SMAD2: variants seen among roughly 807,000 people sequenced by gnomAD.
SMAD2 encodes SMAD family member 2.
SMAD2 carries 8 observed loss-of-function variants against 64.4 expected under a neutral mutation model. The observed-to-expected ratio is 0.12, with a 90% CI of 0.07 to 0.22. SMAD2 has a LOEUF of 0.22. Ranked by LOEUF, SMAD2 falls within the 10% of genes least tolerant of loss-of-function variation. The pLI, the probability that SMAD2 is intolerant of heterozygous loss-of-function variation, is 1.00. For missense variants in SMAD2, 289 were observed against 561.2 expected (o/e 0.51, Z 4.90); for synonymous variants, 203 against 195.8 (o/e 1.04, Z -0.31).
chr18:47,856,141 GTT>G (rs35798864), intron 6 of SMAD2, among the ~76,000 whole-genome samples: 53 of 148,512 alleles, frequency 3.6e-4, no homozygotes, highest in African/African-American at 7.6e-4. Flanking sequence ...CATATGTGGG[GTT>G]TTTTTTTTTT....
chr18:47,907,576 C>T (rs543163967), intron 1 of SMAD2, among the ~76,000 whole-genome samples: 1 of 152,254 alleles, frequency 6.6e-6, no homozygotes, highest in South Asian at 2.1e-4. Flanking sequence ...TGTTTTATTC[C>T]CTCGCTCCTG....
At chr18:47,873,114 A>T (rs2032044359) in intron 2 of SMAD2, among the ~76,000 whole-genome samples, 2 of 152,064 alleles carry the variant, frequency 1.3e-5, no homozygotes, top group Non-Finnish European at 2.9e-5. Flanking sequence ...TGCTGGGATT[A>T]CAGAAGTAAG....
In SMAD2 at chr18:47,857,756, G is replaced by A. The variant is rs551770515; in HGVS notation, c.731-6429C>T. On this transcript the variant is annotated intron_variant, in intron 6 of 10. Transcript: ENST00000262160. ...AGCCAACTAAAATTTCAATGGCCAT[G>A]CACAGACGACAGGAATCGAAGAAGC... is the stretch of plus-strand genomic sequence containing the variant. 3.0e-4 allele frequency among the ~76,000 whole-genome samples: 45 copies of A among 152,312 alleles called. No individual in the cohort carries two copies. In the East Asian group the frequency reaches 8.5e-3, roughly 29 times the overall value.
intron 5 of SMAD2, 36 bp downstream of exon 5, chr18:47,868,287 T>C (rs2031709525): frequency 6.4e-7 from 1 of 1,570,464 alleles, no homozygotes; most frequent in African/African-American, 1.4e-5. Context: ...AATTTGTATC[T>C]ATCCAAGTTT....
chr18:47,857,849 T>C (rs547997955), intron 6 of SMAD2, among the ~76,000 whole-genome samples: 32 of 152,314 alleles, frequency 2.1e-4, no homozygotes, highest in African/African-American at 3.8e-4. Flanking sequence ...CATGTTAGCA[T>C]AGGAAGTCCT....
At chr18:47,903,348 G>C (rs1376564967) in intron 1 of SMAD2, among the ~76,000 whole-genome samples, 1 of 151,196 alleles carries the variant, frequency 6.6e-6, no homozygotes, top group Non-Finnish European at 1.5e-5. Flanking sequence ...CAAAAGCTTG[G>C]AGGCAGGACT....
At position 47,864,118 on chromosome 18, in the gene SMAD2, A is replaced by G. The variant is rs77096575; in HGVS notation, c.730+941T>C. 4.0e-3 allele frequency among the ~76,000 whole-genome samples: 605 copies of G among 152,312 alleles called. 4 individuals are homozygous for G. The highest frequency in any genetic ancestry group is 0.013 in the African/African-American group (544 of 41,574). ...GAGTGTCATCTAATTTTAGTAAAACATATGTGGAAAGTCAAATATTATTTG... is the reference window on the plus strand; with the variant it reads ...GAGTGTCATCTAATTTTAGTAAAACGTATGTGGAAAGTCAAATATTATTTG... On this transcript the variant is annotated intron_variant, in intron 6 of 10. Transcript: ENST00000262160.
rs1364195695 is a variant in SMAD2 at position 47,837,204 on chromosome 18, T to A, written c.*4623A>T. 5.0e-6 allele frequency: 1 copy of A among 199,552 alleles called. No homozygotes were observed. The highest frequency in any genetic ancestry group is 2.3e-5 in the African/African-American group (1 of 43,452). The allele number at this position is 199,552 out of a possible 1,614,324, so 12.4% of individuals were successfully genotyped here. ...GATGAAGAAATTAGGACTCTAGGTATGAAAAGCATGTTCCTTTTTTGTTAA... is the reference window on the plus strand; with the variant it reads ...GATGAAGAAATTAGGACTCTAGGTAAGAAAAGCATGTTCCTTTTTTGTTAA... On this transcript the variant is annotated 3_prime_UTR_variant, in exon 11 of 11. Transcript: ENST00000262160.
In SMAD2 at chr18:47,828,797, A is replaced by G; in HGVS notation, c.*13030T>C. 1 of 180,372 alleles carries G rather than the reference A, an allele frequency of 5.5e-6. No individual in the cohort carries two copies. The highest frequency in any genetic ancestry group is 1.6e-4 in the East Asian group (1 of 6,066). The allele number at this position is 180,372 out of a possible 1,614,324, so 11.2% of individuals were successfully genotyped here. On this transcript the variant is annotated 3_prime_UTR_variant, in exon 11 of 11. Transcript: ENST00000262160. ...GTACCCAGGGACACAAACACTGCAG[A>G]AGGCCGCAGGGTCCTCTGCCTAGGA...
At position 47,930,577 on chromosome 18, in the gene SMAD2, G is replaced by C. The variant is rs1003138429; in HGVS notation, c.-270C>G. On this transcript the variant is annotated 5_prime_UTR_variant, in exon 1 of 11. Coordinates refer to ENST00000262160, the MANE Select transcript of SMAD2 (RefSeq NM_005901.6). ...GCGCGCGGGAGGGTAGGGGAAGAGAGGGGAGGGGAGGGGAGGAGAGGGAAG... is the reference window on the plus strand; with the variant it reads ...GCGCGCGGGAGGGTAGGGGAAGAGACGGGAGGGGAGGGGAGGAGAGGGAAG... 1 of 150,098 alleles carries C rather than the reference G, an allele frequency of 6.7e-6. No individual in the cohort carries two copies. Among genetic ancestry groups the C allele is most frequent in the East Asian group, 2.0e-4 (1 of 5,042 alleles). The allele number at this position is 150,098 out of a possible 1,614,324, so 9.3% of individuals were successfully genotyped here.
At chr18:47,882,437 T>C (rs1396612686) in intron 2 of SMAD2, 1 of 152,602 alleles carries the variant, frequency 6.6e-6, no homozygotes, top group Non-Finnish European at 1.5e-5. Context: ...GCTTAAGCAA[T>C]CCTCCTGCCT....
rs964956844 is a variant in SMAD2 at position 47,811,524 on chromosome 18, A to G, written c.*30303T>C. Reference sequence around the variant, plus strand: ...ATAAGGTAATTCTGAAATCCACAGCAATGCTTCAGTGCTCCTAAGGGGCCG... The same window carrying G: ...ATAAGGTAATTCTGAAATCCACAGCGATGCTTCAGTGCTCCTAAGGGGCCG... On this transcript the variant is annotated 3_prime_UTR_variant, in exon 11 of 11. Coordinates refer to ENST00000262160, the MANE Select transcript of SMAD2 (RefSeq NM_005901.6). 3 of 151,930 alleles carry G rather than the reference A, an allele frequency of 2.0e-5. No homozygotes were observed. The highest frequency in any genetic ancestry group is 7.3e-5 in the African/African-American group (3 of 41,338). The allele number at this position is 151,930 out of a possible 1,614,324, so 9.4% of individuals were successfully genotyped here.
intron 1 of SMAD2, among the ~76,000 whole-genome samples, chr18:47,925,059 C>G (rs1170996925): frequency 6.6e-6 from 1 of 152,172 alleles, no homozygotes; most frequent in African/African-American, 2.4e-5. Flanking sequence ...CTACATCCCC[C>G]TTCCCCACAA....
chr18:47,857,944 C>G (rs1229377595), intron 6 of SMAD2, among the ~76,000 whole-genome samples: 1 of 152,206 alleles, frequency 6.6e-6, no homozygotes, highest in Non-Finnish European at 1.5e-5. Flanking sequence ...CTGACCCTCC[C>G]TGAAACCTGA....
At chr18:47,869,638 TTATAAA>T (rs1316865065) in intron 3 of SMAD2, among the ~76,000 whole-genome samples, 1 of 152,158 alleles carries the variant, frequency 6.6e-6, no homozygotes, top group African/African-American at 2.4e-5. Flanking sequence ...CAGATGTTTC[TTATAAA>T]TATGTCACAT....
chr18:47,842,052 AAGGTTGTGT>A, intron 10 of SMAD2, 102 bp from the exon 11 acceptor site: 1 of 1,304,376 alleles, frequency 7.7e-7, no homozygotes, highest in East Asian at 2.4e-5. Flanking sequence ...CAGAAATTAA[AAGGTTGTGT>A]ATATAATTTT....
At chr18:47,873,674 T>C (rs1405136877) in intron 2 of SMAD2, among the ~76,000 whole-genome samples, 1 of 152,154 alleles carries the variant, frequency 6.6e-6, no homozygotes, top group East Asian at 1.9e-4. Context: ...TGATAAACTC[T>C]GAACAAAATA....
intron 6 of SMAD2, among the ~76,000 whole-genome samples, chr18:47,857,131 A>G (rs1284357854): frequency 2.0e-5 from 3 of 152,154 alleles, no homozygotes; most frequent in Non-Finnish European, 2.9e-5. Flanking sequence ...TGACTATGCT[A>G]ATTTTTTATA....
rs531314625 is a variant in SMAD2, at chr18:47,850,396, T to TTATATATATTATATAATATATATTA, written c.784+877_784+878insTAATATATATTATATAATATATATA. Among the ~76,000 whole-genome samples, 8 of 21,926 alleles carry TTATATATATTATATAATATATATTA rather than the reference T, an allele frequency of 3.6e-4. 1 individual carries two copies. The highest frequency in any genetic ancestry group is 1.8e-3 in the African/African-American group (8 of 4,500). 14.4% of individuals were successfully genotyped at this position (21,926 alleles called of 152,430 possible). ...TATTATATATATTATATAATATATA[T>TTATATATATTATATAATATATATTA]TATATATTATGTATAATATATATAA... On this transcript the variant is annotated intron_variant, in intron 7 of 10. Coordinates refer to ENST00000262160, the MANE Select transcript of SMAD2 (RefSeq NM_005901.6).
Sources: gnomAD v4.1 joint callset for allele counts (sites outside exome capture counted in the v4.1 genomes callset) on GRCh38, gnomAD v4.1.1 for gene constraint, MANE v1.5 for transcripts, NCBI Gene and HGNC (gene_info 2026-07-23, HGNC 2026-07-21) for gene names.